EFHC1: variants seen among roughly 807,000 people sequenced by gnomAD.
EFHC1 encodes the protein EF-hand domain containing 1, also known as EF-hand domain-containing protein 1.
In EFHC1, 53 loss-of-function variants were observed where a neutral mutation model predicts 69.9. The ratio of observed to expected loss-of-function variants is 0.76; its 90% confidence interval spans 0.61 to 0.95. EFHC1 has a LOEUF of 0.95. Ranked by LOEUF, EFHC1 falls within the 40% of genes least tolerant of loss-of-function variation. The probability of loss-of-function intolerance (pLI) is 0.00; values close to 1 mark genes in which losing one functional copy is unlikely to be tolerated. For missense variants in EFHC1, 739 were observed against 798.7 expected (o/e 0.93, Z 0.90); for synonymous variants, 256 against 278.4 (o/e 0.92, Z 0.80).
intron 3 of EFHC1, among the ~76,000 whole-genome samples, chr6:52,439,162 T>A (rs943520734): frequency 6.6e-6 from 1 of 152,198 alleles, no homozygotes; most frequent in Non-Finnish European, 1.5e-5. Flanking sequence ...AAGGAAACTT[T>A]TATTAAAGTT....
chr6:52,495,635 C>T lies in EFHC1; in HGVS notation c.*3294C>T, dbSNP rs1346678610. 2 of 452,318 alleles carry T rather than the reference C, an allele frequency of 4.4e-6. No homozygotes were observed. The highest frequency in any genetic ancestry group is 4.7e-5 in the Admixed American group (2 of 42,484). The allele number at this position is 452,318 out of a possible 1,614,324, so 28.0% of individuals were successfully genotyped here. On this transcript the variant is annotated 3_prime_UTR_variant, in exon 11 of 11. Coordinates refer to ENST00000371068, the MANE Select transcript of EFHC1 (RefSeq NM_018100.4). Reference sequence around the variant, plus strand: ...GACAGGGTCTTACTCTGTTGCCAGACTGGAATGCGGTGGTGTGACCATAGC... The same window carrying T: ...GACAGGGTCTTACTCTGTTGCCAGATTGGAATGCGGTGGTGTGACCATAGC...
rs1225784630 is a variant in EFHC1, at chr6:52,495,637, G to A, written c.*3296G>A. On this transcript the variant is annotated 3_prime_UTR_variant, in exon 11 of 11. Transcript: ENST00000371068. ...CAGGGTCTTACTCTGTTGCCAGACT[G>A]GAATGCGGTGGTGTGACCATAGCTC... is the stretch of plus-strand genomic sequence containing the variant. 4 of 452,002 alleles carry A rather than the reference G, an allele frequency of 8.8e-6. No homozygotes were observed. The highest frequency in any genetic ancestry group is 2.0e-5 in the African/African-American group (1 of 49,864). 28.0% of individuals were successfully genotyped at this position (452,002 alleles called of 1,614,324 possible). A position where few individuals can be genotyped will look rare whatever the true frequency, so the allele number is the denominator to read the frequency against.
In EFHC1 at chr6:52,465,074, C is replaced by A; in HGVS notation, c.1096C>A (p.Arg366Ser). The stretch of plus-strand genomic sequence containing the variant: ...GAAGTTTGGAATCACTGATTTACCA[C>A]GTATTGATGTGAGCAAGCGGGAACC... ...KEKFGITDLP[R>S]IDVSKREPPP... The change falls in exon 6 of 11, where the codon CGT becomes AGT. Residue 366 changes from arginine to serine, a missense_variant. Coordinates refer to ENST00000371068, the MANE Select transcript of EFHC1 (RefSeq NM_018100.4). 3 of 1,613,998 alleles carry A rather than the reference C, an allele frequency of 1.9e-6. No homozygotes were observed. The highest frequency in any genetic ancestry group is 2.5e-6 in the Non-Finnish European group (3 of 1,180,016).
chr6:52,444,283 T>G (rs1423191420), intron 3 of EFHC1, among the ~76,000 whole-genome samples: 1 of 152,180 alleles, frequency 6.6e-6, no homozygotes, highest in Non-Finnish European at 1.5e-5. Flanking sequence ...CCTTTATTTC[T>G]TTCTCTTGCC....
intron 4 of EFHC1, 40 bp from the exon 5 acceptor site, chr6:52,454,055 C>A (rs759561051): frequency 6.2e-7 from 1 of 1,611,310 alleles, no homozygotes; most frequent in East Asian, 2.2e-5. Flanking sequence ...GAACTCCCTA[C>A]TTTTAGGATT....
chr6:52,450,082 A>G (rs776238130), intron 3 of EFHC1, among the ~76,000 whole-genome samples: 3 of 152,174 alleles, frequency 2.0e-5, no homozygotes, highest in Non-Finnish European at 2.9e-5. Context: ...ATTCAGGAGC[A>G]GGTTGTTTAA....
rs549508905 is a variant in EFHC1, at chr6:52,465,101, C to T, written c.1123C>T (p.Pro375Ser). The T allele has an allele frequency of 1.2e-5, 19 of 1,613,580 alleles. No homozygotes were observed. In the South Asian group the frequency reaches 2.1e-4, roughly 18 times the overall value. ...PRIDVSKREP[P>S]PVKQELPPYN... ...TATTGATGTGAGCAAGCGGGAACCA[C>T]CTCCAGTAAAACAGGTAATCAGATA... Residue 375 changes from proline to serine, a missense_variant, in exon 6 of 11, where the codon CCT becomes TCT. By Grantham distance (74) the Pro-to-Ser change is moderately conservative (BLOSUM62 -1). Transcript: ENST00000371068.
At position 52,491,646 on chromosome 6, in the gene EFHC1, C is replaced by T. The variant is rs181681586; in HGVS notation, c.1852-624C>T. 1.2e-4 allele frequency among the ~76,000 whole-genome samples: 18 copies of T among 152,302 alleles called. No individual in the cohort carries two copies. The East Asian group carries it at 2.7e-3, about 23-fold the overall frequency. On this transcript the variant is annotated intron_variant, in intron 10 of 10. Coordinates refer to ENST00000371068, the MANE Select transcript of EFHC1 (RefSeq NM_018100.4). Reference sequence around the variant, plus strand: ...AATTACTACTGTTACTACTTGAGACCGTCATTACGAGAGTTAACGAAGGAA... The same window carrying T: ...AATTACTACTGTTACTACTTGAGACTGTCATTACGAGAGTTAACGAAGGAA...
At position 52,494,341 on chromosome 6, in the gene EFHC1, G is replaced by C. The variant is rs761953964; in HGVS notation, c.*2000G>C. ...CAGGCTTAGAAGCCTGTGGTAAAGAGTGTGTGTATACTGGGGTGATGATAG... is the reference window on the plus strand; with the variant it reads ...CAGGCTTAGAAGCCTGTGGTAAAGACTGTGTGTATACTGGGGTGATGATAG... On this transcript the variant is annotated 3_prime_UTR_variant, in exon 11 of 11. Coordinates refer to ENST00000371068, the MANE Select transcript of EFHC1 (RefSeq NM_018100.4). The C allele has an allele frequency of 2.2e-6, 1 of 454,118 alleles. No individual in the cohort carries two copies. Among genetic ancestry groups the C allele is most frequent in the Non-Finnish European group, 4.4e-6 (1 of 226,804 alleles). 28.1% of individuals were successfully genotyped at this position (454,118 alleles called of 1,614,324 possible). A position where few individuals can be genotyped will look rare whatever the true frequency, so the allele number is the denominator to read the frequency against.
At chr6:52,421,184 G>A (rs1488660454) in intron 1 of EFHC1, 1 of 427,650 alleles carries the variant, frequency 2.3e-6, no homozygotes, top group African/African-American at 2.2e-5. Context: ...TCCGTTGCGG[G>A]TTTTCCCCAA....
rs141220723 is a variant in EFHC1, at chr6:52,448,591, C to T, written c.574-4097C>T. 5.5e-3 allele frequency among the ~76,000 whole-genome samples: 843 copies of T among 152,294 alleles called. 7 individuals carry two copies. The highest frequency in any genetic ancestry group is 0.019 in the African/African-American group (793 of 41,550). On this transcript the variant is annotated intron_variant, in intron 3 of 10. Transcript: ENST00000371068. ...CTGACAAACCCCAGTGAGATGAACC[C>T]AGTACCTCAGTTGGTAATGCAGAAA...
At chr6:52,477,612 A>G (rs1055070878) in intron 7 of EFHC1, among the ~76,000 whole-genome samples, 1 of 152,252 alleles carries the variant, frequency 6.6e-6, no homozygotes, top group African/African-American at 2.4e-5. Flanking sequence ...AAAAGTGGGC[A>G]AAGGACATGA....
At chr6:52,489,173 T>C (rs551764750) in intron 9 of EFHC1, 7 of 152,264 alleles carry the variant, frequency 4.6e-5, no homozygotes, top group African/African-American at 1.4e-4. Flanking sequence ...GAAAAGTAAA[T>C]ACAGAAAAGC....
At chr6:52,467,553 C>CT (rs1447506756) in intron 6 of EFHC1, among the ~76,000 whole-genome samples, 14 of 151,964 alleles carry the variant, frequency 9.2e-5, no homozygotes, top group African/African-American at 3.4e-4. Context: ...TTACTATCAT[C>CT]TTTTTTTTCT....
intron 10 of EFHC1, 124 bp from the exon 11 acceptor site, chr6:52,492,146 A>G (rs1765916924): frequency 3.7e-6 from 3 of 808,750 alleles, no homozygotes; most frequent in Non-Finnish European, 6.3e-6. Context: ...AATCAACTTG[A>G]GGATACAAAA....
At chr6:52,423,804 C>A in intron 1 of EFHC1, 142 bp from the exon 2 acceptor site, 1 of 1,534,706 alleles carries the variant, frequency 6.5e-7, no homozygotes, top group Non-Finnish European at 8.7e-7. Flanking sequence ...CCATGCCCAG[C>A]CTTAATGTTG....
At position 52,490,109 on chromosome 6, in the gene EFHC1, A is replaced by G. The variant is rs1235489294; in HGVS notation, c.1641-31A>G. ...ATGAGACTGATCAAGAATAAATACC[A>G]TGTGCAGTCATTTCCTTCCTTTCTC... On this transcript the variant is annotated intron_variant, in intron 9 of 10. Coordinates refer to ENST00000371068, the MANE Select transcript of EFHC1 (RefSeq NM_018100.4). 24 of 1,589,312 alleles carry G rather than the reference A, an allele frequency of 1.5e-5. No homozygotes were observed. In the East Asian group the frequency reaches 4.9e-4, roughly 33 times the overall value.
chr6:52,466,732 G>T (rs530801443), intron 6 of EFHC1, among the ~76,000 whole-genome samples: 1 of 152,212 alleles, frequency 6.6e-6, no homozygotes, highest in Non-Finnish European at 1.5e-5. Flanking sequence ...CTGCAAAAAG[G>T]AAGTGATGTC....
intron 2 of EFHC1, chr6:52,437,699 G>A (rs1764563603): frequency 6.5e-6 from 1 of 153,618 alleles, no homozygotes; most frequent in African/African-American, 2.4e-5. Flanking sequence ...GTGGGAGTTA[G>A]GGGAGGGAAG....
Sources: allele counts gnomAD v4.1 joint callset (sites outside exome capture counted in the v4.1 genomes callset), GRCh38; gene constraint gnomAD v4.1.1; transcripts MANE v1.5; gene names NCBI Gene and HGNC (gene_info 2026-07-23, HGNC 2026-07-21).